VWA3B: variants seen among roughly 807,000 people sequenced by gnomAD.
VWA3B encodes von Willebrand factor A domain-containing protein 3B.
In VWA3B, 138 loss-of-function variants were observed where a neutral mutation model predicts 158.3. That is an observed-to-expected ratio of 0.87 (90% confidence interval 0.76 to 1.00). The LOEUF is 1.00. Ranked by LOEUF, VWA3B falls within the 50% of genes least tolerant of loss-of-function variation. The pLI, the probability that VWA3B is intolerant of heterozygous loss-of-function variation, is 0.00. For missense variants in VWA3B, 1,555 were observed against 1,565.1 expected (o/e 0.99, Z 0.11); for synonymous variants, 596 against 587.3 (o/e 1.01, Z -0.21).
intron 14 of VWA3B, among the ~76,000 whole-genome samples, chr2:98,223,575 G>T (rs1169125993): frequency 6.6e-6 from 1 of 151,882 alleles, no homozygotes; most frequent in African/African-American, 2.4e-5. Context: ...TAAAGACAAA[G>T]AAAAAAATGA....
At chr2:98,144,517 GCTTC>G (rs749184404) in intron 7 of VWA3B, among the ~76,000 whole-genome samples, 16 of 151,146 alleles carry the variant, frequency 1.1e-4, no homozygotes, top group Non-Finnish European at 2.4e-4. Context: ...TTCGAGAAGG[GCTTC>G]CTTCCATTCA....
intron 8 of VWA3B, among the ~76,000 whole-genome samples, chr2:98,165,146 C>T (rs1678960052): frequency 6.6e-6 from 1 of 152,218 alleles, no homozygotes; most frequent in Admixed American, 6.5e-5. Flanking sequence ...GTGCTGGTTT[C>T]CTTTGGGGCA....
the VWA3B span, among the ~76,000 whole-genome samples, chr2:98,324,801 A>G: frequency 6.6e-6 from 1 of 152,220 alleles, no homozygotes; most frequent in Non-Finnish European, 1.5e-5. Flanking sequence ...ACTTCATGGC[A>G]GCTATAATAA....
intron 26 of VWA3B, among the ~76,000 whole-genome samples, chr2:98,305,533 A>G (rs531123900): frequency 2.6e-5 from 4 of 152,146 alleles, no homozygotes; most frequent in Admixed American, 2.0e-4. Context: ...ATTGTTTCCA[A>G]CCACCCCCTG....
intron 16 of VWA3B, among the ~76,000 whole-genome samples, chr2:98,234,389 A>G (rs1685537277): frequency 6.6e-6 from 1 of 152,222 alleles, no homozygotes; most frequent in Admixed American, 6.5e-5. Flanking sequence ...CCTCAGTCCT[A>G]CAATTGCAAG....
At chr2:98,168,376 T>TACACACACACAC (rs148619678) in intron 8 of VWA3B, among the ~76,000 whole-genome samples, 7 of 145,630 alleles carry the variant, frequency 4.8e-5, no homozygotes, top group South Asian at 2.2e-4. Context: ...TACACACACA[T>TACACACACACAC]ACACACACAC....
chr2:98,163,778 C>G (rs747956004), intron 8 of VWA3B, among the ~76,000 whole-genome samples: 5 of 152,074 alleles, frequency 3.3e-5, no homozygotes, highest in Non-Finnish European at 7.3e-5. Context: ...AGGAGAGAGG[C>G]CAGTGTGATC....
the VWA3B span, among the ~76,000 whole-genome samples, chr2:98,328,358 A>C: frequency 1.2e-4 from 19 of 152,220 alleles, no homozygotes; most frequent in Admixed American, 9.8e-4. Context: ...TGGCCACTGC[A>C]ATAAGGCAAG....
chr2:98,294,290 G>A (rs1278166078), intron 23 of VWA3B, among the ~76,000 whole-genome samples: 1 of 150,400 alleles, frequency 6.6e-6, no homozygotes, highest in Non-Finnish European at 1.5e-5. Context: ...TCCTTTTCTG[G>A]TAACTGTTGT....
At chr2:98,200,271 G>A (rs573216193) in intron 12 of VWA3B, among the ~76,000 whole-genome samples, 47 of 152,150 alleles carry the variant, frequency 3.1e-4, no homozygotes, top group African/African-American at 1.1e-3. Flanking sequence ...GGCCAGGCAC[G>A]GTGGCTCACG....
At chr2:98,216,670 G>A (rs1684014566) in intron 13 of VWA3B, 1 of 469,948 alleles carries the variant, frequency 2.1e-6, no homozygotes, top group Non-Finnish European at 4.4e-6. Context: ...AGTGGCTCAG[G>A]TGTGCTGCTT....
chr2:98,162,865 G>A lies in VWA3B; in HGVS notation c.1003G>A (p.Glu335Lys), dbSNP rs756494347. The change falls in exon 8 of 28, where the codon GAG (glutamate) becomes AAG (lysine). Residue 335 changes from glutamate (E) to lysine (K), a missense_variant. Transcript: ENST00000477737. ...TCCCCTTTTAGGAGCTGGAGTCAGAGAGGACGTGTTTCTCGTTTGGCAAGA... is the reference window on the plus strand; with the variant it reads ...TCCCCTTTTAGGAGCTGGAGTCAGAAAGGACGTGTTTCTCGTTTGGCAAGA... Reference protein sequence around the residue: ...GKLPPGAGVREDVFLVWQEME... With the variant: ...GKLPPGAGVRKDVFLVWQEME... 5 of 1,613,594 alleles carry A rather than the reference G, an allele frequency of 3.1e-6. No individual in the cohort carries two copies. The Admixed American group carries it at 6.7e-5, about 22-fold the overall frequency.
chr2:98,163,022 A>C, intron 8 of VWA3B, 46 bp downstream of exon 8: 1 of 1,606,924 alleles, frequency 6.2e-7, no homozygotes, highest in Non-Finnish European at 8.5e-7. Flanking sequence ...CATAAATGTT[A>C]CTAGCTGGGG....
chr2:98,324,831 A>AGAAAAT, the VWA3B span, among the ~76,000 whole-genome samples: 1 of 152,204 alleles, frequency 6.6e-6, no homozygotes, highest in Non-Finnish European at 1.5e-5. Flanking sequence ...TTAAAGTCAA[A>AGAAAAT]GAAAATATGC....
chr2:98,313,328 A>G (rs1691014232), downstream of VWA3B: 1 of 152,224 alleles, frequency 6.6e-6, no homozygotes, highest in Admixed American at 6.5e-5. Flanking sequence ...CAGGCTAAAA[A>G]CAATAATGCA....
At chr2:98,182,518 T>C (rs1680681218) in intron 9 of VWA3B, among the ~76,000 whole-genome samples, 1 of 152,238 alleles carries the variant, frequency 6.6e-6, no homozygotes, top group Admixed American at 6.5e-5. Flanking sequence ...GGGTAATTGC[T>C]ACAGCGCAGG....
chr2:98,263,775 TC>T (rs1687626599), intron 21 of VWA3B, among the ~76,000 whole-genome samples: 1 of 152,016 alleles, frequency 6.6e-6, no homozygotes, highest in African/African-American at 2.4e-5. Context: ...GGAGCATTTC[TC>T]CCTTTTCAAT....
intron 22 of VWA3B, among the ~76,000 whole-genome samples, chr2:98,277,658 G>A (rs1374823829): frequency 1.3e-5 from 2 of 152,210 alleles, no homozygotes; most frequent in Non-Finnish European, 2.9e-5. Context: ...TGGCCTTCAG[G>A]GGTGGGGAAT....
At chr2:98,188,187 G>T in intron 10 of VWA3B, 58 bp downstream of exon 10, 1 of 1,557,360 alleles carries the variant, frequency 6.4e-7, no homozygotes, top group Non-Finnish European at 8.7e-7. Context: ...ATTCTCATCT[G>T]CTTGATCTTT....
Sources: gnomAD v4.1 joint callset for allele counts (sites outside exome capture counted in the v4.1 genomes callset) on GRCh38, gnomAD v4.1.1 for gene constraint, MANE v1.5 for transcripts, NCBI Gene and HGNC (gene_info 2026-07-23, HGNC 2026-07-21) for gene names.